Variants in SMYD3 observed in about 807,000 individuals in gnomAD.
SMYD3 encodes SET and MYND domain containing 3.
SMYD3 carries 36 observed loss-of-function variants against 57.7 expected under a neutral mutation model. That is an observed-to-expected ratio of 0.62 (90% CI 0.48 to 0.82). SMYD3 has a LOEUF of 0.82. Among genes scored for constraint, SMYD3 ranks in the 40% least tolerant of loss-of-function variants. The probability of loss-of-function intolerance (pLI) is 0.00; values close to 1 mark genes in which losing one functional copy is unlikely to be tolerated. For missense variants in SMYD3, 515 were observed against 538.8 expected, an observed-to-expected ratio of 0.96 and a Z score of 0.44; for synonymous variants, 211 against 195.0, an observed-to-expected ratio of 1.08 and a Z score of -0.68.
intron 1 of SMYD3, among the ~76,000 whole-genome samples, chr1:246,501,726 A>G (rs2068457401): frequency 6.6e-6 from 1 of 152,198 alleles, no homozygotes; most frequent in African/African-American, 2.4e-5. Flanking sequence ...TCCAGTTCTC[A>G]TAGCCAAGCA....
chr1:246,451,015 T>C (rs1461765545), intron 1 of SMYD3, among the ~76,000 whole-genome samples: 2 of 152,196 alleles, frequency 1.3e-5, no homozygotes, highest in African/African-American at 2.4e-5. Context: ...AATCTCCCAA[T>C]GGTGGGTCAC....
intron 5 of SMYD3, among the ~76,000 whole-genome samples, chr1:245,936,954 T>C (rs2057010920): frequency 6.6e-6 from 1 of 152,364 alleles, no homozygotes; most frequent in African/African-American, 2.4e-5. Flanking sequence ...AAAATTTGTC[T>C]TTATATGCTA....
chr1:246,452,609 C>T (rs1355975793), intron 1 of SMYD3, among the ~76,000 whole-genome samples: 1 of 152,146 alleles, frequency 6.6e-6, no homozygotes, highest in Non-Finnish European at 1.5e-5. Context: ...GCTATAGGCA[C>T]AACTGTTTAC....
In SMYD3 at chr1:246,020,414, A is replaced by T. The variant is rs576783397; in HGVS notation, c.532-90477T>A. ...TGAAGAGAATTCTTCTTGGCTTCTT[A>T]GGTTTCAAAAGCCTACAAAGTCTGT... On this transcript the variant is annotated intron_variant, in intron 5 of 11. Coordinates refer to ENST00000490107, the MANE Select transcript of SMYD3 (RefSeq NM_001167740.2). Among the ~76,000 whole-genome samples, 4 of 152,300 alleles carry T rather than the reference A, an allele frequency of 2.6e-5. No homozygotes were observed. In the East Asian group the frequency reaches 7.7e-4, roughly 29 times the overall value.
intron 5 of SMYD3, among the ~76,000 whole-genome samples, chr1:246,135,234 T>C (rs2061649568): frequency 1.3e-5 from 2 of 152,158 alleles, no homozygotes; most frequent in Admixed American, 6.5e-5. Flanking sequence ...GTGAATGGTT[T>C]AGAGTAGGAC....
intron 10 of SMYD3, among the ~76,000 whole-genome samples, chr1:245,765,857 C>G (rs527801012): frequency 3.3e-5 from 5 of 152,118 alleles, no homozygotes; most frequent in African/African-American, 1.2e-4. Context: ...GCTTTTCATC[C>G]ATGAACCCAG....
chr1:245,758,772 G>C (rs2045713581), intron 11 of SMYD3, among the ~76,000 whole-genome samples: 2 of 152,104 alleles, frequency 1.3e-5, no homozygotes, highest in African/African-American at 4.8e-5. Context: ...TTTAAAATCT[G>C]TCAGACTATT....
intron 10 of SMYD3, among the ~76,000 whole-genome samples, chr1:245,775,411 C>A (rs2046539027): frequency 6.6e-6 from 1 of 151,924 alleles, no homozygotes; most frequent in South Asian, 2.1e-4. Context: ...TGTGACCTTA[C>A]CCCCAACCCT....
rs537240797 is a variant in SMYD3, at chr1:246,355,053, T to C, written c.206A>G (p.Lys69Arg). 9.3e-6 allele frequency: 15 copies of C among 1,614,180 alleles called. 1 individual carries two copies. The South Asian group carries it at 1.5e-4, about 17-fold the overall frequency. ...TACCTGACACTTAGCACTACAGTAT[T>C]TGGCGACGCGGCACTGAGAGCATCG... ...LMRCSQCRVA[K>R]YCSAKCQKKA... Residue 69 changes from lysine (K) to arginine (R), a missense_variant, in exon 2 of 12, where the codon AAA becomes AGA. Coordinates refer to ENST00000490107, the MANE Select transcript of SMYD3 (RefSeq NM_001167740.2). The surrounding 1 kb of genome is among the most constrained non-coding windows in gnomAD (Gnocchi z 5.0).
At chr1:246,116,898 T>G (rs2061350272) in intron 5 of SMYD3, among the ~76,000 whole-genome samples, 2 of 152,208 alleles carry the variant, frequency 1.3e-5, no homozygotes, top group African/African-American at 4.8e-5. Flanking sequence ...ATTAGACTGC[T>G]AACTGACTCC....
intron 8 of SMYD3, among the ~76,000 whole-genome samples, chr1:245,885,657 G>T (rs1270979372): frequency 2.0e-5 from 3 of 152,096 alleles, no homozygotes; most frequent in African/African-American, 7.2e-5. Context: ...TTTCTACAGT[G>T]TTTCTCTATT....
chr1:245,830,306 CA>C (rs2049757663), intron 10 of SMYD3, among the ~76,000 whole-genome samples: 1 of 152,058 alleles, frequency 6.6e-6, no homozygotes. Context: ...TGGCGGAAGG[CA>C]AAGGAGAAGC....
chr1:246,492,757 G>C (rs1222181308), intron 1 of SMYD3, among the ~76,000 whole-genome samples: 1 of 152,200 alleles, frequency 6.6e-6, no homozygotes, highest in Non-Finnish European at 1.5e-5. Context: ...ACTGTGTACA[G>C]CCTGTTTCTA....
intron 8 of SMYD3, among the ~76,000 whole-genome samples, chr1:245,880,772 G>A (rs551366003): frequency 6.6e-6 from 1 of 152,332 alleles, no homozygotes; most frequent in Non-Finnish European, 1.5e-5. Context: ...AAGACTGGTA[G>A]GTGGGACAAG....
chr1:246,456,851 T>C (rs765102492), intron 1 of SMYD3, among the ~76,000 whole-genome samples: 2 of 152,176 alleles, frequency 1.3e-5, no homozygotes, highest in Non-Finnish European at 2.9e-5. Context: ...ATCAAAGTTA[T>C]GAAGGAGGAC....
At chr1:246,476,440 A>T (rs889956891) in intron 1 of SMYD3, among the ~76,000 whole-genome samples, 2 of 152,182 alleles carry the variant, frequency 1.3e-5, no homozygotes, top group African/African-American at 2.4e-5. Context: ...TTGGTCTAAG[A>T]CTGGGCCTGA....
intron 5 of SMYD3, among the ~76,000 whole-genome samples, chr1:245,974,270 T>G (rs887126605): frequency 3.9e-5 from 6 of 152,210 alleles, no homozygotes; most frequent in African/African-American, 9.6e-5. Flanking sequence ...ACTCCTTAGA[T>G]GGGAAGATTC....
chr1:245,831,383 C>T (rs964188236), intron 10 of SMYD3, among the ~76,000 whole-genome samples: 1 of 152,200 alleles, frequency 6.6e-6, no homozygotes, highest in Non-Finnish European at 1.5e-5. Flanking sequence ...TGATAAGTGC[C>T]ATGGGTCCTC....
rs949150254 is a variant in SMYD3, at chr1:246,507,269, T to A, written c.-52A>T. 152 of 1,440,490 alleles carry A rather than the reference T, an allele frequency of 1.1e-4. No individual in the cohort carries two copies. Among genetic ancestry groups the A allele is most frequent in the Non-Finnish European group, 1.4e-4 (148 of 1,090,516 alleles). 89.2% of individuals were successfully genotyped at this position (1,440,490 alleles called of 1,614,324 possible). ...GGCTACCCGCGTCCAGCAGCGGGCG[T>A]CTCACGGGCTGCCGGGACCCGCGCG... On this transcript the variant is annotated 5_prime_UTR_variant, in exon 1 of 12. Coordinates refer to ENST00000490107, the MANE Select transcript of SMYD3 (RefSeq NM_001167740.2).
Sources: gnomAD v4.1 joint callset for allele counts (sites outside exome capture counted in the v4.1 genomes callset) on GRCh38, gnomAD v4.1.1 for gene constraint, Gnocchi (gnomAD v3.1) non-coding constraint, MANE v1.5 for transcripts, NCBI Gene and HGNC (gene_info 2026-07-23, HGNC 2026-07-21) for gene names.